The following FHIT variants were observed in gnomAD, a reference collection of about 807,000 sequenced individuals.
The protein encoded by FHIT is bis(5'-adenosyl)-triphosphatase.
Under a neutral mutation model 17.9 loss-of-function variants are expected in FHIT, and 19 were observed. That is an observed-to-expected ratio of 1.06 (90% CI 0.74 to 1.56). The LOEUF (loss-of-function observed/expected upper bound fraction) is 1.56, where lower values mean the gene tolerates loss of function less well. Ranked by LOEUF, FHIT falls within the 40% of genes most tolerant of loss-of-function variation. The pLI is 0.00. For synonymous variants in FHIT, 81 were observed against 69.7 expected (o/e 1.16, Z -0.81); for missense variants, 248 against 189.2 (o/e 1.31, Z -1.82).
At chr3:59,846,280 G>C (rs1701716378) in intron 8 of FHIT, among the ~76,000 whole-genome samples, 1 of 151,748 alleles carries the variant, frequency 6.6e-6, no homozygotes, top group African/African-American at 2.4e-5. Context: ...TTGTCTTTGT[G>C]GTTACCATGG....
intron 5 of FHIT, among the ~76,000 whole-genome samples, chr3:60,162,015 G>A (rs959323672): frequency 6.6e-6 from 1 of 152,112 alleles, no homozygotes; most frequent in African/African-American, 2.4e-5. Context: ...CAACAGCAAA[G>A]CCACAGTACA....
At chr3:59,891,501 T>C (rs573712340) in intron 8 of FHIT, among the ~76,000 whole-genome samples, 1 of 152,270 alleles carries the variant, frequency 6.6e-6, no homozygotes, top group Admixed American at 6.5e-5. Flanking sequence ...TCTAAGCCAG[T>C]CATCCCCCCG....
intron 3 of FHIT, among the ~76,000 whole-genome samples, chr3:60,937,378 C>G (rs944261601): frequency 4.6e-5 from 7 of 152,208 alleles, no homozygotes; most frequent in Middle Eastern, 3.4e-3. Context: ...AATGGAGATA[C>G]AATCATTTAG....
chr3:60,685,965 A>C (rs1007159747), intron 4 of FHIT, among the ~76,000 whole-genome samples: 1 of 152,060 alleles, frequency 6.6e-6, no homozygotes, highest in Non-Finnish European at 1.5e-5. Flanking sequence ...TTTTCTTGTC[A>C]TCCCAAAGAA....
chr3:60,022,720 G>A (rs1180346527), intron 5 of FHIT, among the ~76,000 whole-genome samples: 1 of 152,200 alleles, frequency 6.6e-6, no homozygotes, highest in Non-Finnish European at 1.5e-5. Flanking sequence ...CAGGAGGAAA[G>A]AACTGAGGAA....
chr3:60,118,481 T>C (rs1381234738), intron 5 of FHIT, among the ~76,000 whole-genome samples: 3 of 151,956 alleles, frequency 2.0e-5, no homozygotes, highest in Non-Finnish European at 4.4e-5. Context: ...TATTTTAATC[T>C]GAATGATGGA....
chr3:60,569,732 T>TATATATATATATATATACAC (rs1359403866), intron 4 of FHIT, among the ~76,000 whole-genome samples: 1 of 31,750 alleles, frequency 3.1e-5, no homozygotes, highest in Non-Finnish European at 5.7e-5. Flanking sequence ...ATACTATATA[T>TATATATATATATATATACAC]ATATATATAT....
At chr3:60,209,581 G>C (rs1475869109) in intron 5 of FHIT, among the ~76,000 whole-genome samples, 1 of 152,080 alleles carries the variant, frequency 6.6e-6, no homozygotes, top group East Asian at 1.9e-4. Context: ...CCTCTGCAAA[G>C]GATTTGTTTG....
chr3:60,748,174 G>C (rs1553715861), intron 4 of FHIT, among the ~76,000 whole-genome samples: 1 of 152,112 alleles, frequency 6.6e-6, no homozygotes, highest in Non-Finnish European at 1.5e-5. Context: ...GTGGGAGATA[G>C]GATGAACTGG....
At chr3:60,752,700 G>T (rs2042493441) in intron 4 of FHIT, among the ~76,000 whole-genome samples, 1 of 152,072 alleles carries the variant, frequency 6.6e-6, no homozygotes, top group African/African-American at 2.4e-5. Context: ...TTGGTGTAAG[G>T]CATGTGTGTC....
chr3:60,574,325 A>T (rs1198343408), intron 4 of FHIT, among the ~76,000 whole-genome samples: 2 of 151,786 alleles, frequency 1.3e-5, no homozygotes, highest in African/African-American at 4.8e-5. Context: ...TTTAGCTCAC[A>T]AATTGTCCCC....
At chr3:60,087,650 G>A (rs1400823671) in intron 5 of FHIT, among the ~76,000 whole-genome samples, 1 of 152,132 alleles carries the variant, frequency 6.6e-6, no homozygotes, top group African/African-American at 2.4e-5. Flanking sequence ...CAAAGCCCTA[G>A]GACATGGACA....
At chr3:60,761,581 A>G (rs1699659130) in intron 4 of FHIT, among the ~76,000 whole-genome samples, 1 of 150,824 alleles carries the variant, frequency 6.6e-6, no homozygotes, top group Admixed American at 6.6e-5. Flanking sequence ...ATCAACATAG[A>G]TGTTCTAATA....
At chr3:60,898,693 T>G (rs1575661103) in intron 3 of FHIT, among the ~76,000 whole-genome samples, 1 of 152,290 alleles carries the variant, frequency 6.6e-6, no homozygotes, top group East Asian at 1.9e-4. Context: ...GAAGAACATT[T>G]TTTTCACTCT....
intron 4 of FHIT, among the ~76,000 whole-genome samples, chr3:60,715,043 G>T (rs1202195515): frequency 1.3e-5 from 2 of 152,106 alleles, no homozygotes; most frequent in African/African-American, 4.8e-5. Flanking sequence ...TATACTACAA[G>T]GCTACAGTAA....
intron 5 of FHIT, among the ~76,000 whole-genome samples, chr3:60,462,575 T>A (rs1347337849): frequency 6.6e-6 from 1 of 151,718 alleles, no homozygotes; most frequent in Non-Finnish European, 1.5e-5. Context: ...AGCAGGGTAG[T>A]GAAGAGAGGA....
intron 4 of FHIT, among the ~76,000 whole-genome samples, chr3:60,567,680 T>A (rs2037189851): frequency 6.6e-6 from 1 of 152,046 alleles, no homozygotes; most frequent in South Asian, 2.1e-4. Context: ...ACCTACAGAA[T>A]GGGAGAAAAT....
At chr3:60,573,547 G>A (rs547792054) in intron 4 of FHIT, among the ~76,000 whole-genome samples, 45 of 152,166 alleles carry the variant, frequency 3.0e-4, no homozygotes, top group Admixed American at 1.8e-3. Flanking sequence ...GTAACAAACC[G>A]TACATGTCCT....
At chr3:60,592,852 G>A (rs782002061) in intron 4 of FHIT, among the ~76,000 whole-genome samples, 7 of 152,212 alleles carry the variant, frequency 4.6e-5, no homozygotes, top group Admixed American at 1.3e-4. Context: ...TAGAGCCTCC[G>A]TGAGATCTTG....
Sources: gnomAD v4.1 joint callset for allele counts (sites outside exome capture counted in the v4.1 genomes callset) on GRCh38, gnomAD v4.1.1 for gene constraint, MANE v1.5 for transcripts, NCBI Gene and HGNC (gene_info 2026-07-23, HGNC 2026-07-21) for gene names.